Variants in FSTL5 observed in about 807,000 individuals in gnomAD.
FSTL5 encodes the protein follistatin like 5, also known as follistatin-related protein 5.
A neutral mutation model predicts 89.1 loss-of-function variants in FSTL5; 62 were observed. The observed-to-expected ratio is 0.70, with a 90% CI of 0.57 to 0.86. The LOEUF (loss-of-function observed/expected upper bound fraction) is 0.86, where lower values mean the gene tolerates loss of function less well. FSTL5 is among the 40% of genes least tolerant of loss of function. The probability of loss-of-function intolerance (pLI) is 0.00; values close to 1 mark genes in which losing one functional copy is unlikely to be tolerated. For missense variants in FSTL5, 1,057 were observed against 1,001.6 expected, an observed-to-expected ratio of 1.06 and a Z score of -0.75; for synonymous variants, 383 against 346.2, an observed-to-expected ratio of 1.11 and a Z score of -1.18.
At chr4:162,097,243 G>T (rs975976910) in intron 2 of FSTL5, among the ~76,000 whole-genome samples, 1 of 151,184 alleles carries the variant, frequency 6.6e-6, no homozygotes, top group African/African-American at 2.4e-5. Flanking sequence ...CTGATAAATT[G>T]ACTGCAATAG....
At chr4:161,869,352 G>A (rs545625956) in intron 4 of FSTL5, among the ~76,000 whole-genome samples, 60 of 152,156 alleles carry the variant, frequency 3.9e-4, no homozygotes, top group Admixed American at 9.2e-4. Flanking sequence ...TTAGAATATC[G>A]GCTTCACATT....
intron 8 of FSTL5, among the ~76,000 whole-genome samples, chr4:161,547,093 T>C (rs950249142): frequency 2.6e-5 from 4 of 152,052 alleles, no homozygotes; most frequent in Admixed American, 1.3e-4. Flanking sequence ...GGGATGCTTA[T>C]ATGCCAAGGG....
At chr4:162,058,418 T>C (rs1490374361) in intron 2 of FSTL5, among the ~76,000 whole-genome samples, 4 of 138,956 alleles carry the variant, frequency 2.9e-5, no homozygotes, top group Non-Finnish European at 6.0e-5. Flanking sequence ...AACTAATAAA[T>C]TCCTCTTTTT....
At chr4:162,125,148 CTT>C (rs1732030107) in intron 1 of FSTL5, among the ~76,000 whole-genome samples, 1 of 152,092 alleles carries the variant, frequency 6.6e-6, no homozygotes, top group African/African-American at 2.4e-5. Flanking sequence ...GGGGACACAG[CTT>C]TCTATCAATT....
chr4:162,105,951 A>C (rs1229686016), intron 2 of FSTL5, among the ~76,000 whole-genome samples: 3 of 152,148 alleles, frequency 2.0e-5, no homozygotes, highest in Non-Finnish European at 4.4e-5. Flanking sequence ...ACACCCTCTA[A>C]GAAGTCAAAG....
Position 161,706,100 on chromosome 4 carries a change from A to C in FSTL5, c.728-49606T>G, listed in dbSNP as rs1354548230. On this transcript the variant is annotated intron_variant, in intron 6 of 15. Coordinates refer to ENST00000306100, the MANE Select transcript of FSTL5 (RefSeq NM_020116.5). ...GACTTTATGCCAGTAAGTTGAGTTT[A>C]ATTTGGATACAAACAAGGAAACAAT... Among the ~76,000 whole-genome samples, 5 of 149,302 alleles carry C rather than the reference A, an allele frequency of 3.3e-5. No individual in the cohort carries two copies. The East Asian group carries it at 8.0e-4, about 24-fold the overall frequency.
intron 13 of FSTL5, among the ~76,000 whole-genome samples, chr4:161,464,206 C>G (rs1382646177): frequency 6.6e-6 from 1 of 152,190 alleles, no homozygotes; most frequent in Non-Finnish European, 1.5e-5. Flanking sequence ...CCTCCCCAGT[C>G]TTCTCTAGCC....
rs145879422 is a variant in FSTL5, at chr4:161,872,855, G to A, written c.409+47549C>T. ...TTATTTGAGAAACAATTAATTATAT[G>A]TACATGTATGAATTTTGATGATTCT... On this transcript the variant is annotated intron_variant, in intron 4 of 15. Coordinates refer to ENST00000306100, the MANE Select transcript of FSTL5 (RefSeq NM_020116.5). 1.4e-3 allele frequency among the ~76,000 whole-genome samples: 220 copies of A among 152,174 alleles called. 1 individual carries two copies. The highest frequency in any genetic ancestry group is 4.9e-3 in the African/African-American group (205 of 41,526).
At chr4:161,439,236 T>G (rs1397651281) in intron 15 of FSTL5, among the ~76,000 whole-genome samples, 1 of 152,238 alleles carries the variant, frequency 6.6e-6, no homozygotes, top group African/African-American at 2.4e-5. Context: ...AGTTTCAACA[T>G]GCCTCTACAG....
chr4:161,618,038 C>T (rs865809108), intron 7 of FSTL5, among the ~76,000 whole-genome samples: 24 of 151,958 alleles, frequency 1.6e-4, no homozygotes, highest in African/African-American at 3.1e-4. Context: ...AGGTCCTTCA[C>T]GTCCCTTGTA....
rs181245115 is a variant in FSTL5 at position 161,633,173 on chromosome 4, C to A, written c.894+23155G>T. On this transcript the variant is annotated intron_variant, in intron 7 of 15. Transcript: ENST00000306100. ...GAAGTTGCTAAATTTATTAAAATAG[C>A]AAAAATATTTAGCATCCCTCAAAAC... Among the ~76,000 whole-genome samples, 8 of 151,648 alleles carry A rather than the reference C, an allele frequency of 5.3e-5. 1 individual carries two copies. Among genetic ancestry groups the A allele is most frequent in the Non-Finnish European group, 8.8e-5 (6 of 67,900 alleles).
At chr4:161,856,483 T>C (rs894635034) in intron 4 of FSTL5, among the ~76,000 whole-genome samples, 3 of 152,068 alleles carry the variant, frequency 2.0e-5, no homozygotes, top group Admixed American at 1.3e-4. Context: ...TTTACTTATA[T>C]GCAACCATCA....
chr4:161,400,427 T>A (rs1731145861), intron 15 of FSTL5, among the ~76,000 whole-genome samples: 1 of 152,184 alleles, frequency 6.6e-6, no homozygotes, highest in East Asian at 1.9e-4. Context: ...AATCCAGATA[T>A]ATGTGCAGAC....
At chr4:161,539,484 C>T (rs1469754881) in intron 9 of FSTL5, among the ~76,000 whole-genome samples, 1 of 152,080 alleles carries the variant, frequency 6.6e-6, no homozygotes, top group Non-Finnish European at 1.5e-5. Context: ...CAAATGCTTA[C>T]TACACACCCT....
intron 4 of FSTL5, among the ~76,000 whole-genome samples, chr4:161,801,038 TA>T (rs2126829168): frequency 6.6e-6 from 1 of 151,736 alleles, no homozygotes; most frequent in African/African-American, 2.4e-5. Flanking sequence ...TATGTTTCAC[TA>T]AGCAGCTTAG....
intron 8 of FSTL5, among the ~76,000 whole-genome samples, chr4:161,549,901 C>G (rs976826230): frequency 1.3e-5 from 2 of 151,868 alleles, no homozygotes; most frequent in Non-Finnish European, 2.9e-5. Flanking sequence ...ATTGTATATA[C>G]AAATTTCACT....
At position 161,585,587 on chromosome 4, in the gene FSTL5, T is replaced by TAAAAA. The variant is rs34372995; in HGVS notation, c.1015+1863_1015+1867dup. Among the ~76,000 whole-genome samples, 77 of 102,668 alleles carry TAAAAA rather than the reference T, an allele frequency of 7.5e-4. 2 individuals are homozygous for TAAAAA. Among genetic ancestry groups the TAAAAA allele is most frequent in the African/African-American group, 2.3e-3 (67 of 28,524 alleles). 67.4% of individuals were successfully genotyped at this position (102,668 alleles called of 152,430 possible). On this transcript the variant is annotated intron_variant, in intron 8 of 15. Coordinates refer to ENST00000306100, the MANE Select transcript of FSTL5 (RefSeq NM_020116.5). ...ATTGGAGACATTCTCTCCCTAATGC[T>TAAAAA]AAAAAAAAAAAAAAAAAAAGGCAGG...
chr4:162,031,681 T>C (rs1412543396), intron 3 of FSTL5, among the ~76,000 whole-genome samples: 1 of 152,148 alleles, frequency 6.6e-6, no homozygotes, highest in Non-Finnish European at 1.5e-5. Flanking sequence ...CTCAAGCCTG[T>C]AATCCCAGCA....
chr4:161,861,416 CAAAG>C (rs1276183648), intron 4 of FSTL5, among the ~76,000 whole-genome samples: 2 of 144,166 alleles, frequency 1.4e-5, no homozygotes, highest in African/African-American at 5.2e-5. Context: ...ACTCCGTCTT[CAAAG>C]AAAGAAAGAG....
Sources: gnomAD v4.1 joint callset for allele counts (sites outside exome capture counted in the v4.1 genomes callset) on GRCh38, gnomAD v4.1.1 for gene constraint, MANE v1.5 for transcripts, NCBI Gene and HGNC (gene_info 2026-07-23, HGNC 2026-07-21) for gene names.